Variants in ACOT11 observed in about 807,000 individuals in gnomAD.
ACOT11 encodes the protein acyl-CoA thioesterase 11, also known as acyl-coenzyme A thioesterase 11.
ACOT11 carries 69 observed loss-of-function variants against 77.5 expected under a neutral mutation model. That is an observed-to-expected ratio of 0.89 (90% CI 0.73 to 1.09). The LOEUF (loss-of-function observed/expected upper bound fraction) is 1.09. Among genes scored for constraint, ACOT11 ranks in the 50% least tolerant of loss-of-function variants. The pLI, the probability that ACOT11 is intolerant of heterozygous loss-of-function variation, is 0.00. For missense variants in ACOT11, 766 were observed against 813.7 expected (o/e 0.94, Z 0.71); for synonymous variants, 279 against 313.0 (o/e 0.89, Z 1.15).
intron 3 of ACOT11, among the ~76,000 whole-genome samples, chr1:54,588,589 G>A (rs1654588230): frequency 6.6e-6 from 1 of 152,116 alleles, no homozygotes; most frequent in South Asian, 2.1e-4. Flanking sequence ...GTGGCACTGA[G>A]GGTAGTCAAG....
intron 3 of ACOT11, among the ~76,000 whole-genome samples, chr1:54,586,414 C>T: frequency 6.6e-6 from 1 of 151,258 alleles, no homozygotes; most frequent in South Asian, 2.1e-4. Context: ...TACCTCATTA[C>T]TAAAGTAGAC....
chr1:54,618,790 C>T (rs889645414), intron 15 of ACOT11, among the ~76,000 whole-genome samples: 2 of 152,154 alleles, frequency 1.3e-5, no homozygotes, highest in Non-Finnish European at 2.9e-5. Flanking sequence ...CTGCTAGCTT[C>T]CAGTCCCCAC....
At chr1:54,611,015 G>C (rs1237731994), downstream of ACOT11, 1 of 985,250 alleles carries the variant, frequency 1.0e-6, no homozygotes, top group Admixed American at 6.1e-5. Context: ...GGGAAATAAT[G>C]GGGGGTTTGG....
chr1:54,602,618 G>A, intron 9 of ACOT11, 51 bp from the exon 10 acceptor site: 2 of 1,454,644 alleles, frequency 1.4e-6, no homozygotes, highest in South Asian at 1.4e-5. Context: ...TGGAGAGGGG[G>A]CAGGACGGAG....
intron 1 of ACOT11, among the ~76,000 whole-genome samples, chr1:54,570,062 T>C (rs1653880647): frequency 1.3e-5 from 2 of 152,190 alleles, no homozygotes; most frequent in Admixed American, 6.5e-5. Flanking sequence ...TGCTCCTGTG[T>C]GCCCAGCATG....
intron 15 of ACOT11, 144 bp from the exon 16 acceptor site, chr1:54,608,813 C>G (rs1644067621): frequency 1.4e-5 from 11 of 775,692 alleles, no homozygotes; most frequent in Admixed American, 2.3e-5. Context: ...AATCTAAGAC[C>G]CTGGGGAGTT....
intron 1 of ACOT11, among the ~76,000 whole-genome samples, chr1:54,566,387 A>G (rs420686): frequency 0.34 from 49,951 of 149,076 alleles, 12,607 homozygotes; most frequent in African/African-American, 0.7. Flanking sequence ...AACCCGGGAG[A>G]TGGAGATTGC....
intron 1 of ACOT11, among the ~76,000 whole-genome samples, chr1:54,566,583 G>T (rs1391700601): frequency 2.0e-5 from 3 of 152,264 alleles, no homozygotes; most frequent in South Asian, 2.1e-4. Flanking sequence ...GCAACAACTG[G>T]TTTCTATCAT....
rs866751232 is a variant in ACOT11, at chr1:54,554,369, T to G, written c.33+6027T>G. ...TATATATATTTTTTTTTTTTTTTTT[T>G]GAGATGGAGTCCTGCTTTGTCACCC... is the stretch of plus-strand genomic sequence containing the variant. On this transcript the variant is annotated intron_variant, in intron 1 of 15. Transcript: ENST00000343744. 3.8e-3 allele frequency among the ~76,000 whole-genome samples: 487 copies of G among 128,842 alleles called. 7 individuals carry two copies. Among genetic ancestry groups the G allele is most frequent in the African/African-American group, 0.012 (420 of 34,646 alleles). 84.5% of individuals were successfully genotyped at this position (128,842 alleles called of 152,430 possible).
intron 15 of ACOT11, among the ~76,000 whole-genome samples, chr1:54,619,045 G>GGA (rs1484313985): frequency 2.6e-5 from 4 of 152,088 alleles, no homozygotes; most frequent in Non-Finnish European, 4.4e-5. Flanking sequence ...CATTCTACCA[G>GGA]CCCTCAGACC....
rs564931275 is a variant in ACOT11 at position 54,601,447 on chromosome 1, C to G, written c.1029+34C>G. 3.8e-6 allele frequency: 6 copies of G among 1,597,446 alleles called. No homozygotes were observed. The East Asian group carries it at 1.1e-4, about 30-fold the overall frequency. On this transcript the variant is annotated intron_variant, in intron 9 of 15. Transcript: ENST00000343744. ...GACCAGCGCCCTGCCCCACCAGCAG[C>G]TCCCCTCCCCTCCCTCTCTGCCCTG...
intron 1 of ACOT11, among the ~76,000 whole-genome samples, chr1:54,570,699 CAG>C (rs1653901738): frequency 1.4e-5 from 2 of 144,918 alleles, no homozygotes; most frequent in Non-Finnish European, 3.0e-5. Context: ...TTTTTTGAGA[CAG>C]AGTCTCGCCC....
chr1:54,625,939 C>CAA lies in ACOT11; in HGVS notation c.1630-4782_1630-4781dup, dbSNP rs55726397. ...GGGCAACAAGAGTGAAACTCTGTCT[C>CAA]AAAAAAAAAAAAAAGAAAGAAAGAA... On this transcript the variant is annotated intron_variant, in intron 15 of 16. Coordinates refer to the ACOT11 transcript ENST00000371316. Among the ~76,000 whole-genome samples the CAA allele has an allele frequency of 5.6e-4, 60 of 107,294 alleles. 3 individuals carry two copies. The highest frequency in any genetic ancestry group is 2.4e-3 in the East Asian group (9 of 3,810). 70.4% of individuals were successfully genotyped at this position (107,294 alleles called of 152,430 possible). A position where few individuals can be genotyped will look rare whatever the true frequency, so the allele number is the denominator to read the frequency against.
chr1:54,627,416 C>T (rs1644278036), intron 15 of ACOT11, among the ~76,000 whole-genome samples: 1 of 134,662 alleles, frequency 7.4e-6, no homozygotes, highest in Non-Finnish European at 1.7e-5. Flanking sequence ...CTGGAACCGA[C>T]TCCAAGCTGT....
At chr1:54,575,735 C>A (rs935529563) in intron 1 of ACOT11, among the ~76,000 whole-genome samples, 1 of 152,202 alleles carries the variant, frequency 6.6e-6, no homozygotes, top group Non-Finnish European at 1.5e-5. Context: ...GAGAGCACTG[C>A]AGAAGTGAGG....
chr1:54,604,061 T>G (rs1166951442), intron 11 of ACOT11, 124 bp downstream of exon 11: 5 of 903,730 alleles, frequency 5.5e-6, no homozygotes, highest in Non-Finnish European at 8.8e-6. Context: ...GCCTCATGAT[T>G]GCTACCATTA....
intron 3 of ACOT11, among the ~76,000 whole-genome samples, chr1:54,588,755 A>G (rs139440912): frequency 1.1e-4 from 17 of 152,230 alleles, no homozygotes; most frequent in African/African-American, 3.6e-4. Context: ...AGAGAGGGTT[A>G]GGGGTACATG....
intron 2 of ACOT11, among the ~76,000 whole-genome samples, chr1:54,585,562 C>T (rs1312730408): frequency 6.6e-6 from 1 of 152,188 alleles, no homozygotes; most frequent in African/African-American, 2.4e-5. Context: ...GACTGGGGTA[C>T]AGCAATGAAC....
rs573947818 is a variant in ACOT11 at position 54,566,634 on chromosome 1, T to A, written c.34-18021T>A. ...GTCAGGAATTCTGGCAGGGCTGGGC[T>A]GGGTGGTTTGTCTGCTCTATGTGGC... On this transcript the variant is annotated intron_variant, in intron 1 of 15. Coordinates refer to ENST00000343744, the MANE Select transcript of ACOT11 (RefSeq NM_147161.4). Among the ~76,000 whole-genome samples the A allele has an allele frequency of 9.2e-5, 14 of 152,268 alleles. No individual in the cohort carries two copies. The South Asian group carries it at 2.9e-3, about 32-fold the overall frequency.
Sources: gnomAD v4.1 joint callset for allele counts (sites outside exome capture counted in the v4.1 genomes callset) on GRCh38, gnomAD v4.1.1 for gene constraint, MANE v1.5 for transcripts, NCBI Gene and HGNC (gene_info 2026-07-23, HGNC 2026-07-21) for gene names.